CNTN6: variants seen among roughly 807,000 people sequenced by gnomAD.
CNTN6 encodes the protein contactin 6, also known as contactin-6.
A neutral mutation model predicts 122.8 loss-of-function variants in CNTN6; 137 were observed. The ratio of observed to expected loss-of-function variants is 1.12; its 90% CI spans 0.97 to 1.29. The LOEUF is 1.29. Ranked by LOEUF, CNTN6 falls within the 50% of genes most tolerant of loss-of-function variation. The pLI, the probability that CNTN6 is intolerant of heterozygous loss-of-function variation, is 0.00. For synonymous variants in CNTN6, 570 were observed against 426.0 expected, an observed-to-expected ratio of 1.34 and a Z score of -4.16; for missense variants, 1,634 against 1,223.4, an observed-to-expected ratio of 1.34 and a Z score of -5.01.
intron 2 of CNTN6, among the ~76,000 whole-genome samples, chr3:1,158,811 T>C (rs1310100839): frequency 6.0e-5 from 8 of 133,518 alleles, no homozygotes; most frequent in Admixed American, 5.9e-4. Flanking sequence ...TACACACATA[T>C]ATATACACAC....
intron 11 of CNTN6, among the ~76,000 whole-genome samples, chr3:1,332,840 A>T (rs952491654): frequency 2.0e-5 from 3 of 152,058 alleles, no homozygotes; most frequent in African/African-American, 7.2e-5. Context: ...ATTACGTGGT[A>T]GCCAAATTCT....
rs141803866 is a variant in CNTN6, at chr3:1,260,796, G to A, written c.359-17617G>A. Among the ~76,000 whole-genome samples the A allele has an allele frequency of 3.2e-3, 481 of 152,026 alleles. 1 individual carries two copies. The highest frequency in any genetic ancestry group is 0.011 in the African/African-American group (440 of 41,474). On this transcript the variant is annotated intron_variant, in intron 4 of 22. Transcript: ENST00000446702. ...CTTGGTACCTCTACCTGATGCCGCC[G>A]TGTAAAGAAGGACGTGTATGCTTCC...
chr3:1,242,590 G>T (rs981143552), intron 4 of CNTN6, among the ~76,000 whole-genome samples: 1 of 152,176 alleles, frequency 6.6e-6, no homozygotes, highest in African/African-American at 2.4e-5. Context: ...ATTTTAACGG[G>T]ATGGTAATGG....
At chr3:1,343,060 T>C (rs1302807805) in intron 11 of CNTN6, among the ~76,000 whole-genome samples, 1 of 152,144 alleles carries the variant, frequency 6.6e-6, no homozygotes, top group East Asian at 1.9e-4. Flanking sequence ...GTCAAGATGA[T>C]GAAGAACTTT....
intron 2 of CNTN6, among the ~76,000 whole-genome samples, chr3:1,212,259 T>G (rs915284058): frequency 6.7e-5 from 10 of 150,212 alleles, no homozygotes; most frequent in Non-Finnish European, 1.2e-4. Flanking sequence ...CTTGTTTTTT[T>G]TTTTTTTTTT....
rs1162291083 is a variant in CNTN6, at chr3:1,228,078, C to G, written c.358+85C>G. ...ACACATTTTAAAAATCTAGCTTTGC[C>G]AATGATATATTTGAGAATGAATATG... On this transcript the variant is annotated intron_variant, in intron 4 of 22. Transcript: ENST00000446702. 4 of 1,311,692 alleles carry G rather than the reference C, an allele frequency of 3.0e-6. No homozygotes were observed. In the East Asian group the frequency reaches 7.0e-5, roughly 23 times the overall value. The allele number at this position is 1,311,692 out of a possible 1,614,324, so 81.3% of individuals were successfully genotyped here.
chr3:1,387,731 G>A (rs6779929), intron 20 of CNTN6, among the ~76,000 whole-genome samples: 9,127 of 152,270 alleles, frequency 0.06, 308 homozygotes, highest in Middle Eastern at 0.082. Context: ...GAAGCAGGGC[G>A]AGGCATTGCC....
chr3:1,403,044 G>C (rs569025893), intron 22 of CNTN6, among the ~76,000 whole-genome samples: 2 of 152,238 alleles, frequency 1.3e-5, no homozygotes, highest in South Asian at 4.1e-4. Context: ...CTGTGATTGA[G>C]TGCAAGTCAT....
intron 7 of CNTN6, among the ~76,000 whole-genome samples, chr3:1,302,844 T>A (rs1697658718): frequency 6.6e-6 from 1 of 152,194 alleles, no homozygotes; most frequent in South Asian, 2.1e-4. Context: ...ACTTCAAACA[T>A]TTATTTGTTT....
intron 11 of CNTN6, among the ~76,000 whole-genome samples, chr3:1,349,629 C>T (rs1213465621): frequency 6.6e-6 from 1 of 151,828 alleles, no homozygotes; most frequent in Non-Finnish European, 1.5e-5. Flanking sequence ...GCCAATTGCT[C>T]AGTGCCATTT....
chr3:1,290,294 A>T (rs1452973059), intron 5 of CNTN6, among the ~76,000 whole-genome samples: 1 of 152,206 alleles, frequency 6.6e-6, no homozygotes, highest in African/African-American at 2.4e-5. Flanking sequence ...TAACTTATTT[A>T]TCTATGAAGT....
chr3:1,324,727 C>T (rs1171273219), intron 8 of CNTN6, among the ~76,000 whole-genome samples: 1 of 149,420 alleles, frequency 6.7e-6, no homozygotes, highest in Non-Finnish European at 1.5e-5. Flanking sequence ...CCGGTGACTA[C>T]CTTTTTTTCC....
chr3:1,280,871 C>T (rs1041636180), intron 5 of CNTN6, among the ~76,000 whole-genome samples: 5 of 152,124 alleles, frequency 3.3e-5, no homozygotes, highest in African/African-American at 1.2e-4. Context: ...TGATAACTGG[C>T]TGTTAAGGGA....
chr3:1,233,454 A>G lies in CNTN6; in HGVS notation c.358+5461A>G, dbSNP rs138933935. Among the ~76,000 whole-genome samples, 865 of 152,164 alleles carry G rather than the reference A, an allele frequency of 5.7e-3. 10 individuals are homozygous for G. Among genetic ancestry groups the G allele is most frequent in the African/African-American group, 0.02 (823 of 41,518 alleles). On this transcript the variant is annotated intron_variant, in intron 4 of 22. Coordinates refer to ENST00000446702, the MANE Select transcript of CNTN6 (RefSeq NM_001289080.2). ...AAGTTGTTTATAAAATGTAGTTTGA[A>G]GCCAGGCGCGGTGGCTCACGCCTGT...
At chr3:1,100,610 T>C (rs1238031663) in intron 1 of CNTN6, among the ~76,000 whole-genome samples, 2 of 152,156 alleles carry the variant, frequency 1.3e-5, no homozygotes, top group Non-Finnish European at 2.9e-5. Context: ...TATTTTCTCC[T>C]TCAGGAATGC....
At chr3:1,250,908 CGTGCCATTTCCAG>C (rs1302096919) in intron 4 of CNTN6, among the ~76,000 whole-genome samples, 2 of 136,736 alleles carry the variant, frequency 1.5e-5, no homozygotes, top group East Asian at 6.1e-4. Context: ...CCATCTCCTC[CGTGCCATTTCCAG>C]ATGATCCCTC....
intron 1 of CNTN6, among the ~76,000 whole-genome samples, chr3:1,099,450 C>CA (rs1458738724): frequency 1.3e-5 from 2 of 152,054 alleles, no homozygotes; most frequent in Non-Finnish European, 1.5e-5. Context: ...GACTCTGTCT[C>CA]AAAAAATTAA....
chr3:1,381,097 A>G (rs1247462476), intron 17 of CNTN6, among the ~76,000 whole-genome samples: 1 of 152,188 alleles, frequency 6.6e-6, no homozygotes, highest in East Asian at 1.9e-4. Context: ...GAGCACCATG[A>G]GAAACACTAA....
At chr3:1,396,690 T>G (rs995306776) in intron 20 of CNTN6, among the ~76,000 whole-genome samples, 2 of 152,208 alleles carry the variant, frequency 1.3e-5, no homozygotes. Flanking sequence ...TTTTTTAAAG[T>G]AAGAAACCAC....
Sources: allele counts gnomAD v4.1 joint callset (sites outside exome capture counted in the v4.1 genomes callset), GRCh38; gene constraint gnomAD v4.1.1; transcripts MANE v1.5; gene names NCBI Gene and HGNC (gene_info 2026-07-23, HGNC 2026-07-21).